Variants in MAPKAPK5 observed in about 807,000 individuals in gnomAD.
The protein encoded by MAPKAPK5 is MAPK activated protein kinase 5, also known as MAP kinase-activated protein kinase 5.
Under a neutral mutation model 65.1 loss-of-function variants are expected in MAPKAPK5, and 30 were observed. The observed-to-expected ratio is 0.46, with a 90% confidence interval of 0.34 to 0.63. The LOEUF (loss-of-function observed/expected upper bound fraction) is 0.63, where lower values mean the gene tolerates loss of function less well. Among genes scored for constraint, MAPKAPK5 ranks in the 20% least tolerant of loss-of-function variants. MAPKAPK5 has a pLI of 0.01. For synonymous variants in MAPKAPK5, 179 were observed against 204.6 expected (o/e 0.87, Z 1.07); for missense variants, 433 against 581.4 (o/e 0.74, Z 2.63).
chr12:111,891,290 CGG>C (rs1278599884), intron 13 of MAPKAPK5, among the ~76,000 whole-genome samples: 1 of 145,356 alleles, frequency 6.9e-6, no homozygotes, highest in Admixed American at 6.9e-5. Flanking sequence ...TTAGTGGAGA[CGG>C]GGTTTCACCA....
rs955716205 is a variant in MAPKAPK5 at position 111,901,408 on chromosome 12, G to C, written c.*8347G>C. The C allele has an allele frequency of 2.2e-6, 1 of 456,036 alleles. No homozygotes were observed. Among genetic ancestry groups the C allele is most frequent in the Non-Finnish European group, 4.4e-6 (1 of 226,796 alleles). The allele number at this position is 456,036 out of a possible 1,614,324, so 28.2% of individuals were successfully genotyped here. A position where few individuals can be genotyped will look rare whatever the true frequency, so the allele number is the denominator to read the frequency against. On this transcript the variant is annotated 3_prime_UTR_variant, in exon 14 of 14. Coordinates refer to ENST00000550735, the MANE Select transcript of MAPKAPK5 (RefSeq NM_003668.4). ...GGTAAGCTAGGTGGGACACCTTCAG[G>C]AGAAGGTGAAAATCACAATATGACT... is the stretch of plus-strand genomic sequence containing the variant.
At chr12:111,862,771 C>T (rs901373090) in intron 1 of MAPKAPK5, among the ~76,000 whole-genome samples, 3 of 152,160 alleles carry the variant, frequency 2.0e-5, no homozygotes, top group Non-Finnish European at 4.4e-5. Flanking sequence ...CATATGAACT[C>T]TGATTATAAT....
In MAPKAPK5 at chr12:111,888,494, GT is replaced by G; in HGVS notation, c.978del (p.Ala327GlnfsTer14). On this transcript the variant is annotated frameshift_variant, in exon 11 of 14. Transcript: ENST00000550735. LOFTEE classifies it high-confidence loss of function. ...SAQLMMDKAV[V>X]AGIQQAHAEQ... Reference sequence around the variant, plus strand: ...CGGCAGTGTTTGCATTCAGGCAGTGGTTGCAGGAATCCAGCAGGCTCACGCG... The same window carrying G: ...CGGCAGTGTTTGCATTCAGGCAGTGGTGCAGGAATCCAGCAGGCTCACGCG... 2 of 1,613,686 alleles carry G rather than the reference GT, an allele frequency of 1.2e-6. No individual in the cohort carries two copies. Among genetic ancestry groups the G allele is most frequent in the Non-Finnish European group, 1.7e-6 (2 of 1,179,808 alleles).
chr12:111,855,302 C>T (rs1173685539), intron 1 of MAPKAPK5, among the ~76,000 whole-genome samples: 1 of 151,842 alleles, frequency 6.6e-6, no homozygotes, highest in African/African-American at 2.4e-5. Flanking sequence ...TTATTTTCTT[C>T]TTTCTGCTTG....
intron 1 of MAPKAPK5, chr12:111,843,457 A>G: frequency 2.5e-6 from 1 of 392,620 alleles, no homozygotes; most frequent in Non-Finnish European, 4.5e-6. Flanking sequence ...TTAAAGGCAC[A>G]TTTTGCCCAC....
intron 7 of MAPKAPK5, among the ~76,000 whole-genome samples, chr12:111,871,842 C>T (rs1355272272): frequency 6.6e-6 from 1 of 152,166 alleles, no homozygotes; most frequent in Admixed American, 6.5e-5. Flanking sequence ...CAGTCAGTCC[C>T]CTCCCAACTT....
chr12:111,852,698 T>G (rs555050818), intron 1 of MAPKAPK5, among the ~76,000 whole-genome samples: 1 of 152,320 alleles, frequency 6.6e-6, no homozygotes, highest in East Asian at 1.9e-4. Context: ...TTCCATTTCT[T>G]TAGGGCTTCT....
chr12:111,886,627 A>G (rs1259010047), intron 10 of MAPKAPK5, among the ~76,000 whole-genome samples: 2 of 152,260 alleles, frequency 1.3e-5, no homozygotes, highest in South Asian at 4.1e-4. Context: ...ATAAGCAAAA[A>G]AACACATGCA....
At chr12:111,871,527 G>A (rs374831114) in intron 7 of MAPKAPK5, among the ~76,000 whole-genome samples, 23 of 151,982 alleles carry the variant, frequency 1.5e-4, no homozygotes, top group African/African-American at 3.1e-4. Flanking sequence ...CCTGTAATTC[G>A]TGCTACTCAG....
chr12:111,865,343 A>G lies in MAPKAPK5; in HGVS notation c.110+20A>G, dbSNP rs562175931. The G allele has an allele frequency of 1.9e-5, 30 of 1,549,434 alleles. No individual in the cohort carries two copies. The Admixed American group carries it at 2.8e-4, about 14-fold the overall frequency. On this transcript the variant is annotated intron_variant, in intron 2 of 13. Transcript: ENST00000550735. ...AGTTAGGTAAGAGATCCATATGAGA[A>G]ACTATGGCAAATTGTTGGCATGTGC...
intron 3 of MAPKAPK5, 107 bp downstream of exon 3, chr12:111,866,338 T>C (rs989520539): frequency 4.3e-6 from 4 of 933,862 alleles, no homozygotes; most frequent in Admixed American, 2.8e-5. Context: ...ATAAAAAGTT[T>C]TATGTCCAAA....
At chr12:111,854,584 T>C (rs1191890705) in intron 1 of MAPKAPK5, among the ~76,000 whole-genome samples, 1 of 152,094 alleles carries the variant, frequency 6.6e-6, no homozygotes, top group Non-Finnish European at 1.5e-5. Context: ...TACAGCCAGG[T>C]GTGGTGGCTC....
chr12:111,859,753 G>A (rs915019199), intron 1 of MAPKAPK5, among the ~76,000 whole-genome samples: 3 of 151,528 alleles, frequency 2.0e-5, no homozygotes, highest in Non-Finnish European at 2.9e-5. Flanking sequence ...TGGTTCAAGC[G>A]ATTCTCCTGG....
intron 13 of MAPKAPK5, 62 bp downstream of exon 13, chr12:111,890,206 A>G (rs1397431019): frequency 8.0e-7 from 1 of 1,252,518 alleles, no homozygotes; most frequent in Non-Finnish European, 1.1e-6. Flanking sequence ...TTTAGAACAT[A>G]TAGGATCTCT....
chr12:111,866,572 A>G (rs1023503470), intron 3 of MAPKAPK5, among the ~76,000 whole-genome samples: 1 of 152,224 alleles, frequency 6.6e-6, no homozygotes, highest in African/African-American at 2.4e-5. Context: ...AATGGTGTAT[A>G]AAAGTGATGC....
chr12:111,851,214 G>A (rs560590025), intron 1 of MAPKAPK5, among the ~76,000 whole-genome samples: 1 of 151,730 alleles, frequency 6.6e-6, no homozygotes, highest in African/African-American at 2.4e-5. Flanking sequence ...GCCTTTTAAA[G>A]TTTTTTTGAC....
chr12:111,880,803 A>G (rs909504055), intron 8 of MAPKAPK5, among the ~76,000 whole-genome samples: 1 of 152,232 alleles, frequency 6.6e-6, no homozygotes, highest in African/African-American at 2.4e-5. Flanking sequence ...TAGCTTTTGC[A>G]GTGGTAATTA....
intron 7 of MAPKAPK5, among the ~76,000 whole-genome samples, chr12:111,872,695 G>A (rs949555969): frequency 9.9e-5 from 15 of 152,168 alleles, no homozygotes; most frequent in African/African-American, 3.6e-4. Flanking sequence ...GCCTTTTCCA[G>A]CTTCTAGAGG....
chr12:111,865,566 G>A lies in MAPKAPK5; in HGVS notation c.110+243G>A, dbSNP rs368990466. 1.5e-3 allele frequency among the ~76,000 whole-genome samples: 232 copies of A among 151,938 alleles called. 1 individual carries two copies. The highest frequency in any genetic ancestry group is 5.3e-3 in the African/African-American group (218 of 41,456). On this transcript the variant is annotated intron_variant, in intron 2 of 13. Transcript: ENST00000550735. ...TAAGATGTCGAGACTGGCCAGGCGC[G>A]GTGGCTCATGCCTGTTATCCCAGAA... is the stretch of plus-strand genomic sequence containing the variant.
Sources: allele counts gnomAD v4.1 joint callset (sites outside exome capture counted in the v4.1 genomes callset), GRCh38; gene constraint gnomAD v4.1.1; transcripts MANE v1.5; gene names NCBI Gene and HGNC (gene_info 2026-07-23, HGNC 2026-07-21).